The following HTR1F variants were observed in gnomAD, a reference collection of about 807,000 sequenced individuals.
The protein encoded by HTR1F is 5-hydroxytryptamine (serotonin) receptor 1F, G protein-coupled.
In HTR1F, 17 loss-of-function variants were observed where a neutral mutation model predicts 24.0. The observed-to-expected ratio is 0.71, with a 90% CI of 0.48 to 1.06. The LOEUF is 1.06. Ranked by LOEUF, HTR1F falls within the 50% of genes least tolerant of loss-of-function variation. The probability of loss-of-function intolerance (pLI) is 0.00; values close to 1 mark genes in which losing one functional copy is unlikely to be tolerated. For synonymous variants in HTR1F, 186 were observed against 156.8 expected, an observed-to-expected ratio of 1.19 and a Z score of -1.39; for missense variants, 391 against 427.8, an observed-to-expected ratio of 0.91 and a Z score of 0.76.
At chr3:87,945,091 ATCTCTCTCTCTGTCTCCTCCATC>A (rs1704664556) in intron 2 of HTR1F, among the ~76,000 whole-genome samples, 2 of 146,788 alleles carry the variant, frequency 1.4e-5, no homozygotes, top group East Asian at 2.0e-4. Flanking sequence ...TCTCTCCTCC[ATCTCTCTCTCTGTCTCCTCCATC>A]TCTCTCTCTC....
At chr3:87,944,991 G>T in intron 2 of HTR1F, among the ~76,000 whole-genome samples, 1 of 152,066 alleles carries the variant, frequency 6.6e-6, no homozygotes, top group East Asian at 1.9e-4. Flanking sequence ...AGTTTACCCT[G>T]GCTTTTAAAG....
chr3:87,951,583 T>C (rs903507877), intron 2 of HTR1F, among the ~76,000 whole-genome samples: 1 of 152,082 alleles, frequency 6.6e-6, no homozygotes, highest in African/African-American at 2.4e-5. Flanking sequence ...CATACATGTA[T>C]AGCCTCTTCC....
chr3:87,917,650 T>A, intron 2 of HTR1F, among the ~76,000 whole-genome samples: 1 of 151,780 alleles, frequency 6.6e-6, no homozygotes, highest in African/African-American at 2.4e-5. Context: ...ACAACCTTCT[T>A]AGCTTAAATC....
chr3:87,869,422 TA>T (rs1705501836), intron 2 of HTR1F, among the ~76,000 whole-genome samples: 1 of 140,706 alleles, frequency 7.1e-6, no homozygotes, highest in African/African-American at 2.8e-5. Flanking sequence ...GATAGATAGA[TA>T]GATAGATAGA....
At chr3:87,807,833 A>AT (rs1704098092) in intron 1 of HTR1F, among the ~76,000 whole-genome samples, 1 of 151,888 alleles carries the variant, frequency 6.6e-6, no homozygotes, top group East Asian at 1.9e-4. Context: ...CCATGAAAGG[A>AT]TGATGAATTT....
chr3:87,955,339 A>C (rs1313105063), intron 2 of HTR1F, among the ~76,000 whole-genome samples: 1 of 151,394 alleles, frequency 6.6e-6, no homozygotes, highest in Non-Finnish European at 1.5e-5. Flanking sequence ...ACTCAGCATA[A>C]TGATTTTGAG....
chr3:87,849,542 G>T (rs1160198226), intron 2 of HTR1F, among the ~76,000 whole-genome samples: 2 of 151,878 alleles, frequency 1.3e-5, no homozygotes, highest in African/African-American at 4.9e-5. Flanking sequence ...CAGGACATAG[G>T]CATGGGCAAG....
intron 2 of HTR1F, among the ~76,000 whole-genome samples, chr3:87,901,705 C>CA (rs968452278): frequency 1.3e-5 from 2 of 150,158 alleles, no homozygotes; most frequent in Non-Finnish European, 3.0e-5. Flanking sequence ...ATACACTCAC[C>CA]AAAAATGAAA....
chr3:87,986,825 C>G (rs1179569986), intron 2 of HTR1F, among the ~76,000 whole-genome samples: 1 of 152,176 alleles, frequency 6.6e-6, no homozygotes, highest in Non-Finnish European at 1.5e-5. Flanking sequence ...CCATTGCAGG[C>G]CGGGCATGGT....
At chr3:87,959,936 A>G (rs1424694366) in intron 2 of HTR1F, among the ~76,000 whole-genome samples, 1 of 151,982 alleles carries the variant, frequency 6.6e-6, no homozygotes, top group Non-Finnish European at 1.5e-5. Context: ...CATCTGAAAA[A>G]ATCCTTAAAT....
chr3:87,916,264 T>A (rs1703889231), intron 2 of HTR1F, among the ~76,000 whole-genome samples: 3 of 112,166 alleles, frequency 2.7e-5, no homozygotes, highest in Admixed American at 1.1e-4. Context: ...AAAGCATAAA[T>A]CACACAGGAC....
Position 87,903,298 on chromosome 3 carries a change from T to G in HTR1F, c.-43+81174T>G, listed in dbSNP as rs1424867031. On this transcript the variant is annotated intron_variant, in intron 2 of 2. Transcript: ENST00000319595. ...ATGGGATCTAATTAAACTAAAGAGC[T>G]TCTGCACAGCAAAAGAAACTACCAT... Among the ~76,000 whole-genome samples, 3 of 148,706 alleles carry G rather than the reference T, an allele frequency of 2.0e-5. No individual in the cohort carries two copies. In the East Asian group the frequency reaches 5.9e-4, roughly 29 times the overall value.
intron 2 of HTR1F, among the ~76,000 whole-genome samples, chr3:87,981,652 T>A (rs544157769): frequency 6.6e-6 from 1 of 152,186 alleles, no homozygotes; most frequent in South Asian, 2.1e-4. Flanking sequence ...CAACTTCTTT[T>A]CTCTTTAGGT....
chr3:87,906,969 A>G (rs1341136405), intron 2 of HTR1F, among the ~76,000 whole-genome samples: 1 of 152,046 alleles, frequency 6.6e-6, no homozygotes, highest in Admixed American at 6.6e-5. Context: ...CATATTTTGC[A>G]ATTGCCACTT....
intron 2 of HTR1F, among the ~76,000 whole-genome samples, chr3:87,838,691 A>G (rs1003805542): frequency 5.3e-5 from 8 of 152,130 alleles, no homozygotes; most frequent in Non-Finnish European, 5.9e-5. Flanking sequence ...AACTGTGCAC[A>G]TGCATTGTGA....
chr3:87,973,718 C>T (rs1336416218), intron 2 of HTR1F, among the ~76,000 whole-genome samples: 1 of 152,140 alleles, frequency 6.6e-6, no homozygotes, highest in Non-Finnish European at 1.5e-5. Context: ...TGTAAAATTA[C>T]TAGGATTCAC....
intron 2 of HTR1F, among the ~76,000 whole-genome samples, chr3:87,834,407 G>T (rs1704642221): frequency 6.6e-6 from 1 of 151,712 alleles, no homozygotes; most frequent in African/African-American, 2.4e-5. Flanking sequence ...GACTTAAAAA[G>T]CAGATGTTAT....
In HTR1F at chr3:87,883,280, A is replaced by C. The variant is rs192729937; in HGVS notation, c.-43+61156A>C. Among the ~76,000 whole-genome samples the C allele has an allele frequency of 3.0e-3, 462 of 152,316 alleles. 2 individuals are homozygous for C. Among genetic ancestry groups the C allele is most frequent in the Middle Eastern group, 0.01 (3 of 294 alleles). Reference sequence around the variant, plus strand: ...AACAGAAAGGAATAGCATCAACATCAACAAAAAGGACACCCACACTAAAAC... The same window carrying C: ...AACAGAAAGGAATAGCATCAACATCCACAAAAAGGACACCCACACTAAAAC... On this transcript the variant is annotated intron_variant, in intron 2 of 2. Transcript: ENST00000319595.
rs527682757 is a variant in HTR1F at position 87,976,640 on chromosome 3, T to A, written c.-42-14068T>A. 2.4e-4 allele frequency among the ~76,000 whole-genome samples: 37 copies of A among 152,352 alleles called. 1 individual carries two copies. In the Middle Eastern group the frequency reaches 0.014, roughly 56 times the overall value. ...TAATTTAACATATTTTTATTCATGT[T>A]TAAGAAAAATAGCTATTGTCACCCC... On this transcript the variant is annotated intron_variant, in intron 2 of 2. Coordinates refer to ENST00000319595, the MANE Select transcript of HTR1F (RefSeq NM_001322209.2).
Sources: allele counts gnomAD v4.1 joint callset (sites outside exome capture counted in the v4.1 genomes callset), GRCh38; gene constraint gnomAD v4.1.1; transcripts MANE v1.5; gene names NCBI Gene and HGNC (gene_info 2026-07-23, HGNC 2026-07-21).